SESTD1: variants seen among roughly 807,000 people sequenced by gnomAD.
SESTD1 encodes SEC14 and spectrin domain containing 1, also known as SEC14 domain and spectrin repeat-containing protein 1.
In SESTD1, 43 loss-of-function variants were observed where a neutral mutation model predicts 101.7. That is an observed-to-expected ratio of 0.42 (90% CI 0.33 to 0.55). The LOEUF is 0.55. Ranked by LOEUF, SESTD1 falls within the 20% of genes least tolerant of loss-of-function variation. The probability of loss-of-function intolerance (pLI) is 0.07; values close to 1 mark genes in which losing one functional copy is unlikely to be tolerated. For missense variants in SESTD1, 647 were observed against 815.1 expected (o/e 0.79, Z 2.51); for synonymous variants, 283 against 286.8 (o/e 0.99, Z 0.13).
intron 5 of SESTD1, among the ~76,000 whole-genome samples, chr2:179,166,066 G>A (rs756572588): frequency 3.3e-5 from 5 of 152,172 alleles, no homozygotes; most frequent in Non-Finnish European, 5.9e-5. Flanking sequence ...AAAAATGCCA[G>A]ACCTGATGCC....
rs1198076078 is a variant in SESTD1 at position 179,212,412 on chromosome 2, A to G, written c.-25-20546T>C. ...CTCACTGCTAGCGCAGCAATCTGAG[A>G]TCAAACTGTGAGGCAGCAGCCTGGC... is the stretch of plus-strand genomic sequence containing the variant. On this transcript the variant is annotated intron_variant, in intron 1 of 17. Coordinates refer to ENST00000428443, the MANE Select transcript of SESTD1 (RefSeq NM_178123.5). Among the ~76,000 whole-genome samples, 2 of 136,304 alleles carry G rather than the reference A, an allele frequency of 1.5e-5. 1 individual carries two copies. The highest frequency in any genetic ancestry group is 5.5e-4 in the South Asian group (2 of 3,640). 89.4% of individuals were successfully genotyped at this position (136,304 alleles called of 152,430 possible).
Position 179,109,015 on chromosome 2 carries a change from C to T in SESTD1, c.*884G>A, listed in dbSNP as rs571416874. ...CCCTCCTCCCCTAAAGACAAAGTAT[C>T]TTCAGGGTAGTTAATAATTTTGAGA... is the stretch of plus-strand genomic sequence containing the variant. On this transcript the variant is annotated 3_prime_UTR_variant, in exon 18 of 18. Coordinates refer to ENST00000428443, the MANE Select transcript of SESTD1 (RefSeq NM_178123.5). The T allele has an allele frequency of 6.6e-6, 1 of 152,214 alleles. No homozygotes were observed. Among genetic ancestry groups the T allele is most frequent in the East Asian group, 1.9e-4 (1 of 5,176 alleles). The allele number at this position is 152,214 out of a possible 1,614,324, so 9.4% of individuals were successfully genotyped here. A position where few individuals can be genotyped will look rare whatever the true frequency, so the allele number is the denominator to read the frequency against.
chr2:179,107,043 T>C lies in SESTD1; in HGVS notation c.*2856A>G, dbSNP rs2044399903. ...AATTCCCTGAGATGGGCTAAAGGAATGTGGGAGGTTGTGACATATATACCA... is the reference window on the plus strand; with the variant it reads ...AATTCCCTGAGATGGGCTAAAGGAACGTGGGAGGTTGTGACATATATACCA... On this transcript the variant is annotated 3_prime_UTR_variant, in exon 18 of 18. Transcript: ENST00000428443. 6.6e-6 allele frequency: 1 copy of C among 151,898 alleles called. No homozygotes were observed. Among genetic ancestry groups the C allele is most frequent in the Non-Finnish European group, 1.5e-5 (1 of 67,994 alleles). 9.4% of individuals were successfully genotyped at this position (151,898 alleles called of 1,614,324 possible).
At chr2:179,147,355 T>C (rs1457025918) in intron 7 of SESTD1, among the ~76,000 whole-genome samples, 2 of 144,008 alleles carry the variant, frequency 1.4e-5, no homozygotes, top group Non-Finnish European at 3.0e-5. Context: ...CAAGATATGT[T>C]TGTTTTTTTG....
chr2:179,133,778 A>G (rs987911907), intron 9 of SESTD1, among the ~76,000 whole-genome samples: 2 of 152,284 alleles, frequency 1.3e-5, no homozygotes, highest in African/African-American at 2.4e-5. Flanking sequence ...CAGTTTATGG[A>G]TCTTTTTATA....
intron 15 of SESTD1, 56 bp from the exon 16 acceptor site, chr2:179,115,312 G>A: frequency 7.4e-7 from 1 of 1,348,470 alleles, no homozygotes; most frequent in South Asian, 1.5e-5. Context: ...AGAGAAGGAT[G>A]GGGAAAGTGT....
chr2:179,150,631 C>T (rs1018053271), intron 6 of SESTD1, among the ~76,000 whole-genome samples: 2 of 151,958 alleles, frequency 1.3e-5, no homozygotes, highest in Non-Finnish European at 2.9e-5. Context: ...ATCAGCCTGA[C>T]CAACATGGTG....
chr2:179,159,586 T>G (rs189521113), intron 5 of SESTD1, among the ~76,000 whole-genome samples: 12 of 152,292 alleles, frequency 7.9e-5, no homozygotes, highest in Non-Finnish European at 1.8e-4. Context: ...AACTGACACA[T>G]TTCAGGGTAA....
chr2:179,188,840 C>G lies in SESTD1; in HGVS notation c.55+2947G>C, dbSNP rs145542598. On this transcript the variant is annotated intron_variant, in intron 2 of 17. Coordinates refer to ENST00000428443, the MANE Select transcript of SESTD1 (RefSeq NM_178123.5). ...CTAGAAACTCTAGAGAAATGGATAACTTCCTAGAAACACAGACCCTCCCAA... is the reference window on the plus strand; with the variant it reads ...CTAGAAACTCTAGAGAAATGGATAAGTTCCTAGAAACACAGACCCTCCCAA... Among the ~76,000 whole-genome samples the G allele has an allele frequency of 4.9e-4, 74 of 152,238 alleles. 1 individual carries two copies. The highest frequency in any genetic ancestry group is 1.7e-3 in the African/African-American group (70 of 41,552).
At chr2:179,145,271 CATA>C (rs1347115073) in intron 8 of SESTD1, among the ~76,000 whole-genome samples, 3 of 152,110 alleles carry the variant, frequency 2.0e-5, no homozygotes, top group African/African-American at 4.8e-5. Context: ...AGCAGCATAG[CATA>C]ATGATTTCAA....
intron 1 of SESTD1, among the ~76,000 whole-genome samples, chr2:179,211,766 C>A (rs1442976842): frequency 7.6e-6 from 1 of 131,200 alleles, no homozygotes; most frequent in African/African-American, 3.0e-5. Context: ...AATGGAAAAC[C>A]AAACAACATA....
At chr2:179,185,413 T>C (rs1349986712) in intron 2 of SESTD1, among the ~76,000 whole-genome samples, 5 of 145,476 alleles carry the variant, frequency 3.4e-5, no homozygotes, top group South Asian at 2.1e-4. Context: ...ATGTAATGTA[T>C]ATAATATAGT....
intron 1 of SESTD1, among the ~76,000 whole-genome samples, chr2:179,242,412 G>A (rs116230656): frequency 0.057 from 8,693 of 152,138 alleles, 308 homozygotes; most frequent in South Asian, 0.11. Context: ...CAGATTTAAT[G>A]CAATTCCTAT....
In SESTD1 at chr2:179,264,602, G is replaced by T; in HGVS notation, c.-129C>A. 1 of 152,256 alleles carries T rather than the reference G, an allele frequency of 6.6e-6. No individual in the cohort carries two copies. Among genetic ancestry groups the T allele is most frequent in the Non-Finnish European group, 1.5e-5 (1 of 68,740 alleles). 9.4% of individuals were successfully genotyped at this position (152,256 alleles called of 1,614,324 possible). A position where few individuals can be genotyped will look rare whatever the true frequency, so the allele number is the denominator to read the frequency against. On this transcript the variant is annotated 5_prime_UTR_variant, in exon 1 of 18. Transcript: ENST00000428443. ...AGGCGGAGGGCGCGGCGGGAGGAAG[G>T]CGGGCTGGGGGCGGAGCGGGCCCGG...
intron 1 of SESTD1, among the ~76,000 whole-genome samples, chr2:179,256,436 G>A (rs1369257353): frequency 6.6e-6 from 1 of 152,198 alleles, no homozygotes; most frequent in African/African-American, 2.4e-5. Context: ...AGTAACTGCA[G>A]ATGTGGTAGA....
At chr2:179,211,619 TCACA>T (rs1346032427) in intron 1 of SESTD1, among the ~76,000 whole-genome samples, 1 of 132,712 alleles carries the variant, frequency 7.5e-6, no homozygotes, top group Non-Finnish European at 1.6e-5. Flanking sequence ...GCAAGAAACG[TCACA>T]CACACATGCA....
At position 179,233,853 on chromosome 2, in the gene SESTD1, T is replaced by C. The variant is rs1383903928; in HGVS notation, c.-26+30646A>G. Reference sequence around the variant, plus strand: ...GCATGTGTGCATGTGTGTATGTGTATGCATGCCCTGGTGTGTGTGCATGTG... The same window carrying C: ...GCATGTGTGCATGTGTGTATGTGTACGCATGCCCTGGTGTGTGTGCATGTG... On this transcript the variant is annotated intron_variant, in intron 1 of 17. Transcript: ENST00000428443. 9.2e-5 allele frequency among the ~76,000 whole-genome samples: 14 copies of C among 152,178 alleles called. No homozygotes were observed. The East Asian group carries it at 2.5e-3, about 27-fold the overall frequency.
intron 2 of SESTD1, 95 bp from the exon 3 acceptor site, chr2:179,183,283 A>C: frequency 1.4e-6 from 1 of 736,712 alleles, no homozygotes; most frequent in South Asian, 3.2e-5. Context: ...AAATAATGAT[A>C]AGTTTAAGAT....
intron 7 of SESTD1, among the ~76,000 whole-genome samples, chr2:179,148,921 G>A (rs955832982): frequency 1.3e-5 from 2 of 151,800 alleles, no homozygotes; most frequent in Admixed American, 6.6e-5. Context: ...TTAGCCGGGC[G>A]AGGTGGCGGG....
Sources: gnomAD v4.1 joint callset for allele counts (sites outside exome capture counted in the v4.1 genomes callset) on GRCh38, gnomAD v4.1.1 for gene constraint, MANE v1.5 for transcripts, NCBI Gene and HGNC (gene_info 2026-07-23, HGNC 2026-07-21) for gene names.